The following FAM184B variants were observed in gnomAD, a reference collection of about 807,000 sequenced individuals.
The protein encoded by FAM184B is protein FAM184B.
FAM184B carries 111 observed loss-of-function variants against 135.9 expected under a neutral mutation model. The ratio of observed to expected loss-of-function variants is 0.82; its 90% confidence interval spans 0.70 to 0.96. The LOEUF is 0.96. FAM184B is among the 40% of genes least tolerant of loss of function. FAM184B has a pLI of 0.00. For synonymous variants in FAM184B, 552 were observed against 524.8 expected, an observed-to-expected ratio of 1.05 and a Z score of -0.71; for missense variants, 1,375 against 1,323.9, an observed-to-expected ratio of 1.04 and a Z score of -0.60.
At position 17,709,051 on chromosome 4, in the gene FAM184B, C is replaced by T. The variant is rs1717186538; in HGVS notation, c.735G>A (p.Trp245Ter). 1 of 1,550,350 alleles carries T rather than the reference C, an allele frequency of 6.5e-7. No homozygotes were observed. Among genetic ancestry groups the T allele is most frequent in the African/African-American group, 1.4e-5 (1 of 73,036 alleles). ...AMQQSVSQAL[W>*]QWQEKESDLR... The stretch of plus-strand genomic sequence containing the variant: ...GGTCCGACTCCTTCTCCTGCCACTG[C>T]CACAGGGCCTGGCTCACCGACTGCT... The change falls in exon 2 of 18, where the codon TGG becomes TGA. Residue 245 changes from tryptophan to a stop codon, truncating the protein, a stop_gained. Coordinates refer to ENST00000265018, the MANE Select transcript of FAM184B (RefSeq NM_015688.2). LOFTEE classifies it high-confidence loss of function.
chr4:17,692,581 A>T (rs1423723321), intron 6 of FAM184B, among the ~76,000 whole-genome samples: 1 of 152,206 alleles, frequency 6.6e-6, no homozygotes, highest in Non-Finnish European at 1.5e-5. Flanking sequence ...ATTCCTAAAC[A>T]ATCGATACTG....
At chr4:17,726,286 G>A (rs1717637156) in intron 1 of FAM184B, among the ~76,000 whole-genome samples, 1 of 152,144 alleles carries the variant, frequency 6.6e-6, no homozygotes, top group Admixed American at 6.5e-5. Flanking sequence ...TGGGTTAAAG[G>A]AAATTTATTG....
At chr4:17,682,459 A>ATC (rs891881193) in intron 7 of FAM184B, among the ~76,000 whole-genome samples, 2 of 151,098 alleles carry the variant, frequency 1.3e-5, no homozygotes, top group Non-Finnish European at 3.0e-5. Context: ...TATTATTTTT[A>ATC]TCTCTCTCTC....
At chr4:17,730,289 T>C (rs1319857209) in intron 1 of FAM184B, among the ~76,000 whole-genome samples, 3 of 152,188 alleles carry the variant, frequency 2.0e-5, no homozygotes, top group Non-Finnish European at 4.4e-5. Flanking sequence ...CTACATCTGA[T>C]TGGTGTACCT....
chr4:17,767,249 C>A (rs1422060198), intron 1 of FAM184B, among the ~76,000 whole-genome samples: 1 of 152,224 alleles, frequency 6.6e-6, no homozygotes, highest in Non-Finnish European at 1.5e-5. Context: ...CAGAGAGGGG[C>A]TCCTGCAGTG....
intron 11 of FAM184B, 136 bp from the exon 12 acceptor site, chr4:17,647,927 AC>A: frequency 1.0e-6 from 1 of 962,336 alleles, no homozygotes; most frequent in Non-Finnish European, 1.5e-6. Context: ...GGTTCCCCAA[AC>A]CTTTTCCAAG....
intron 5 of FAM184B, among the ~76,000 whole-genome samples, chr4:17,695,223 C>T (rs1353143314): frequency 6.6e-6 from 1 of 151,694 alleles, no homozygotes; most frequent in Non-Finnish European, 1.5e-5. Context: ...AGTACAATAG[C>T]ACAATCATGG....
At chr4:17,779,098 C>G (rs1275339633) in intron 1 of FAM184B, among the ~76,000 whole-genome samples, 2 of 152,090 alleles carry the variant, frequency 1.3e-5, no homozygotes, top group African/African-American at 4.8e-5. Context: ...ATATGTATCA[C>G]TTTACTAATC....
At chr4:17,634,121 G>A in intron 16 of FAM184B, 1 of 352,620 alleles carries the variant, frequency 2.8e-6, no homozygotes, top group East Asian at 4.6e-5. Context: ...GGAGATGGAT[G>A]TGTTTTGCAA....
At chr4:17,756,958 A>T (rs1718438296) in intron 1 of FAM184B, among the ~76,000 whole-genome samples, 1 of 152,140 alleles carries the variant, frequency 6.6e-6, no homozygotes, top group African/African-American at 2.4e-5. Flanking sequence ...TGGAATTAGG[A>T]AGTCATTATT....
intron 17 of FAM184B, chr4:17,633,352 T>C (rs1383326905): frequency 5.2e-6 from 1 of 191,436 alleles, no homozygotes; most frequent in Non-Finnish European, 1.1e-5. Flanking sequence ...GATTAATTCC[T>C]TTAGTCTCAC....
rs770765197 is a variant in FAM184B, at chr4:17,633,844, C to T, written c.2934G>A (p.Pro978=). The stretch of plus-strand genomic sequence containing the variant: ...AGTTCTTTGCATAGGAGGCGAGGTT[C>T]GGCACGCTGACCACGCGGCTGGGCA... ...EDVPSRVVSV[P]NLASYAKNFL... is the part of the protein sequence containing the mutation. The change falls in exon 17 of 18, where the codon CCG becomes CCA. Residue 978 remains proline (P), a synonymous_variant. Coordinates refer to ENST00000265018, the MANE Select transcript of FAM184B (RefSeq NM_015688.2). The T allele has an allele frequency of 3.0e-5, 47 of 1,551,270 alleles. 2 individuals are homozygous for T. Among genetic ancestry groups the T allele is most frequent in the Admixed American group, 2.7e-4 (14 of 50,956 alleles).
intron 7 of FAM184B, 93 bp downstream of exon 7, chr4:17,688,331 C>A: frequency 1.1e-6 from 1 of 876,728 alleles, no homozygotes; most frequent in Non-Finnish European, 1.8e-6. Flanking sequence ...GTAAAAGAGC[C>A]CATTAACATC....
chr4:17,778,850 C>A (rs1192280590), intron 1 of FAM184B, among the ~76,000 whole-genome samples: 2 of 152,174 alleles, frequency 1.3e-5, no homozygotes, highest in South Asian at 2.1e-4. Flanking sequence ...CAGAGCAAGA[C>A]CCTGTCTCTT....
chr4:17,659,174 C>T (rs373030116), intron 9 of FAM184B, among the ~76,000 whole-genome samples: 63 of 150,678 alleles, frequency 4.2e-4, no homozygotes, highest in African/African-American at 1.3e-3. Context: ...GGTGTGATCA[C>T]GACTCACGGC....
Position 17,636,641 on chromosome 4 carries a change from T to C in FAM184B, c.2671A>G (p.Lys891Glu), listed in dbSNP as rs1296839395. Residue 891 changes from lysine (K) to glutamate (E), a missense_variant, in exon 15 of 18, where the codon AAA (lysine) becomes GAA (glutamate). Transcript: ENST00000265018. ...TTCCCTGGCTTCTCTCCGGAATCTTTCAGTCTGTTCCAAGCAGGCATGCAG... is the reference window on the plus strand; with the variant it reads ...TTCCCTGGCTTCTCTCCGGAATCTTCCAGTCTGTTCCAAGCAGGCATGCAG... Reference protein sequence around the residue: ...ARLAALEAELKDSGEKPGKGA... With the variant: ...ARLAALEAELEDSGEKPGKGA... 6.5e-7 allele frequency: 1 copy of C among 1,548,358 alleles called. No homozygotes were observed. Among genetic ancestry groups the C allele is most frequent in the Non-Finnish European group, 8.7e-7 (1 of 1,146,028 alleles).
intron 6 of FAM184B, among the ~76,000 whole-genome samples, chr4:17,690,126 T>A (rs1417631085): frequency 2.0e-5 from 3 of 150,826 alleles, no homozygotes; most frequent in Admixed American, 1.3e-4. Context: ...CCAGCCTGGG[T>A]GACAGAACGA....
intron 1 of FAM184B, among the ~76,000 whole-genome samples, chr4:17,715,300 C>T (rs1717381905): frequency 6.6e-6 from 1 of 151,930 alleles, no homozygotes; most frequent in Non-Finnish European, 1.5e-5. Flanking sequence ...CATGGTGAAA[C>T]CCCATCTCCA....
chr4:17,650,253 T>C (rs1307222449), intron 11 of FAM184B, among the ~76,000 whole-genome samples: 1 of 144,180 alleles, frequency 6.9e-6, no homozygotes, highest in East Asian at 2.3e-4. Context: ...CCACCCTCCC[T>C]GCCCTCTCAC....
Sources: allele counts gnomAD v4.1 joint callset (sites outside exome capture counted in the v4.1 genomes callset), GRCh38; gene constraint gnomAD v4.1.1; transcripts MANE v1.5; gene names NCBI Gene and HGNC (gene_info 2026-07-23, HGNC 2026-07-21).